MAGT1: variants seen among roughly 807,000 people sequenced by gnomAD.
MAGT1 encodes the protein magnesium transporter 1.
Under a neutral mutation model 28.4 loss-of-function variants are expected in MAGT1, and 4 were observed. That is an observed-to-expected ratio of 0.14 (90% CI 0.07 to 0.32). The LOEUF is 0.32. MAGT1 is among the 10% of genes least tolerant of loss of function. The pLI is 1.00. For synonymous variants in MAGT1, 89 were observed against 89.7 expected (o/e 0.99, Z 0.04); for missense variants, 193 against 264.5 (o/e 0.73, Z 1.88).
At chrX:77,854,134 T>G (rs1394719635) in intron 6 of MAGT1, among the ~76,000 whole-genome samples, 170 bp from the exon 7 acceptor site, 9 of 111,974 alleles carry the variant, frequency 8.0e-5, no homozygotes, top group African/African-American at 2.6e-4. Context: ...TATAAGGCTA[T>G]TTTTGTATTA....
intron 3 of MAGT1, 142 bp downstream of exon 3, chrX:77,870,666 T>A: frequency 2.2e-6 from 1 of 463,045 alleles, no homozygotes; most frequent in Non-Finnish European, 3.8e-6. Flanking sequence ...TATGGTTAGC[T>A]CAAGTTTAAC....
chrX:77,829,138 G>GTTGCA lies in MAGT1; in HGVS notation c.*77_*81dup, dbSNP rs2076891076. 2 of 795,859 alleles carry GTTGCA rather than the reference G, an allele frequency of 2.5e-6. No homozygotes were observed. Among genetic ancestry groups the GTTGCA allele is most frequent in the Non-Finnish European group, 3.8e-6 (2 of 523,335 alleles). 65.6% of individuals were successfully genotyped at this position (795,859 alleles called of 1,213,427 possible). A position where few individuals can be genotyped will look rare whatever the true frequency, so the allele number is the denominator to read the frequency against. Reference sequence around the variant, plus strand: ...AAAAGAGGTAATACAAAATATACAAGTTGCATTCTTCTTTTCAAACACACA... The same window carrying GTTGCA: ...AAAAGAGGTAATACAAAATATACAAGTTGCATTGCATTCTTCTTTTCAAACACACA... On this transcript the variant is annotated 3_prime_UTR_variant, in exon 10 of 10. Transcript: ENST00000618282.
chrX:77,864,915 T>C (rs1391877627), intron 3 of MAGT1, among the ~76,000 whole-genome samples: 1 of 111,813 alleles, frequency 8.9e-6, no homozygotes, highest in Non-Finnish European at 1.9e-5. Context: ...TTTCACCATG[T>C]TGGCCAGGCT....
chrX:77,834,217 T>C (rs782209407), intron 8 of MAGT1, among the ~76,000 whole-genome samples: 8 of 99,559 alleles, frequency 8.0e-5, no homozygotes, highest in Non-Finnish European at 1.0e-4. Context: ...TACATGTGTG[T>C]ATATATATGC....
rs1247445316 is a variant in MAGT1, at chrX:77,849,895, CAAAA to C, written c.826+4002_826+4005del. On this transcript the variant is annotated intron_variant, in intron 7 of 9. Transcript: ENST00000618282. ...ATCTCAAAAACAAAAAACAAAAAAC[CAAAA>C]AAAAAAAAAAAAAAGGAAATTCATC... Among the ~76,000 whole-genome samples the C allele has an allele frequency of 9.8e-5, 5 of 50,824 alleles. No individual in the cohort carries two copies. In the South Asian group the frequency reaches 4.6e-3, roughly 47 times the overall value. The allele number at this position is 50,824 out of a possible 115,157, so 44.1% of individuals were successfully genotyped here.
At chrX:77,886,588 C>T (rs2149029046) in intron 1 of MAGT1, among the ~76,000 whole-genome samples, 1 of 110,668 alleles carries the variant, frequency 9.0e-6, no homozygotes, top group East Asian at 2.8e-4. Flanking sequence ...GGCTGTAGTG[C>T]ACTATGATTG....
chrX:77,862,563 C>G (rs1186121425), intron 3 of MAGT1, among the ~76,000 whole-genome samples: 1 of 111,310 alleles, frequency 9.0e-6, no homozygotes, highest in Non-Finnish European at 1.9e-5. Context: ...AGTAAAAAAG[C>G]AAATAATCCC....
chrX:77,834,253 TAC>T (rs1287941896), intron 8 of MAGT1, among the ~76,000 whole-genome samples: 41 of 59,837 alleles, frequency 6.9e-4, no homozygotes, highest in African/African-American at 1.5e-3. Flanking sequence ...TGCATATATA[TAC>T]ATGTGTGTAT....
chrX:77,880,658 A>G (rs1418123987), intron 1 of MAGT1, among the ~76,000 whole-genome samples: 1 of 110,956 alleles, frequency 9.0e-6, no homozygotes, highest in East Asian at 2.8e-4. Flanking sequence ...TACACTCTTG[A>G]AAGATTGGTT....
At chrX:77,852,696 A>G (rs1441905482) in intron 7 of MAGT1, among the ~76,000 whole-genome samples, 2 of 110,779 alleles carry the variant, frequency 1.8e-5, no homozygotes, top group African/African-American at 6.6e-5. Flanking sequence ...GGCTCAATTG[A>G]TCCTCCCACC....
rs1557216031 is a variant in MAGT1, at chrX:77,856,785, C to A, written c.620G>T (p.Arg207Ile). 2.5e-6 allele frequency: 3 copies of A among 1,207,269 alleles called. No individual in the cohort carries two copies. Among genetic ancestry groups the A allele is most frequent in the Non-Finnish European group, 3.4e-6 (3 of 891,812 alleles). ...AVIGGLVYLRRSNMEFLFNKT... is the reference protein window; with the variant it reads ...AVIGGLVYLRISNMEFLFNKT... The stretch of plus-strand genomic sequence containing the variant: ...ATTAAAGAGAAATTCCATATTACTT[C>A]TTCGAAGATACACAAGTCCACCAAT... Residue 207 changes from arginine (R) to isoleucine (I), a missense_variant, in exon 5 of 10, where the codon AGA becomes ATA. By Grantham distance (97) the Arg-to-Ile change is moderately conservative. Transcript: ENST00000618282.
At chrX:77,841,895 G>A (rs1427866082) in intron 7 of MAGT1, among the ~76,000 whole-genome samples, 2 of 82,002 alleles carry the variant, frequency 2.4e-5, no homozygotes, top group Non-Finnish European at 4.6e-5. Flanking sequence ...TTGCCACGTT[G>A]CACACGCTGG....
rs185866807 is a variant in MAGT1 at position 77,891,846 on chromosome X, G to A, written c.102+3463C>T. Among the ~76,000 whole-genome samples the A allele has an allele frequency of 8.9e-5, 10 of 112,118 alleles. No individual in the cohort carries two copies. The East Asian group carries it at 2.8e-3, about 31-fold the overall frequency. ...TTGTTAAAGGTATAAATAATAAGCA[G>A]GGTAGCATTCCATTTAGCAATAGAC... On this transcript the variant is annotated intron_variant, in intron 1 of 9. Transcript: ENST00000618282.
At chrX:77,838,619 G>A (rs145706001) in intron 8 of MAGT1, among the ~76,000 whole-genome samples, 15 of 109,669 alleles carry the variant, frequency 1.4e-4, no homozygotes, top group Non-Finnish European at 1.7e-4. Flanking sequence ...TTAGCTGGGC[G>A]TGGTGACGTG....
At chrX:77,849,069 G>A (rs1603360850) in intron 7 of MAGT1, among the ~76,000 whole-genome samples, 1 of 105,417 alleles carries the variant, frequency 9.5e-6, no homozygotes, top group Admixed American at 1.0e-4. Flanking sequence ...CATTTATTGT[G>A]TTTTCTTTTT....
At chrX:77,829,646 G>A (rs1603358420) in intron 9 of MAGT1, among the ~76,000 whole-genome samples, 2 of 109,533 alleles carry the variant, frequency 1.8e-5, no homozygotes, top group South Asian at 3.9e-4. Context: ...AGAAGTCCCA[G>A]CAAAATTACC....
intron 7 of MAGT1, among the ~76,000 whole-genome samples, chrX:77,843,956 C>T (rs2076942880): frequency 8.9e-6 from 1 of 111,778 alleles, no homozygotes; most frequent in African/African-American, 3.3e-5. Flanking sequence ...ATGATGCTGG[C>T]CTCATAAAAT....
intron 1 of MAGT1, among the ~76,000 whole-genome samples, chrX:77,891,039 T>C (rs1162670513): frequency 1.8e-5 from 2 of 111,197 alleles, no homozygotes; most frequent in African/African-American, 6.5e-5. Context: ...TAAAGAAATA[T>C]GAATAATTTT....
In MAGT1 at chrX:77,846,267, G is replaced by A. The variant is rs956754211; in HGVS notation, c.827-4947C>T. 1.5e-4 allele frequency among the ~76,000 whole-genome samples: 17 copies of A among 111,883 alleles called. No homozygotes were observed. In the East Asian group the frequency reaches 3.3e-3, roughly 22 times the overall value. On this transcript the variant is annotated intron_variant, in intron 7 of 9. Coordinates refer to ENST00000618282, the MANE Select transcript of MAGT1 (RefSeq NM_001367916.1). ...GCATTCATCACGTAGCTCTCGTGCCGTGGTTTTCAGCTCCATCAGGTCCTT... is the reference window on the plus strand; with the variant it reads ...GCATTCATCACGTAGCTCTCGTGCCATGGTTTTCAGCTCCATCAGGTCCTT...
Sources: allele counts gnomAD v4.1 joint callset (sites outside exome capture counted in the v4.1 genomes callset), GRCh38; gene constraint gnomAD v4.1.1; transcripts MANE v1.5; gene names NCBI Gene and HGNC (gene_info 2026-07-23, HGNC 2026-07-21).